Variants in GRK4 observed in about 807,000 individuals in gnomAD.
GRK4 encodes the protein G protein-coupled receptor kinase 2-like.
Under a neutral mutation model 77.9 loss-of-function variants are expected in GRK4, and 73 were observed. The observed-to-expected ratio is 0.94, with a 90% CI of 0.78 to 1.14. GRK4 has a LOEUF of 1.14. Among genes scored for constraint, GRK4 ranks in the 50% most tolerant of loss-of-function variants. GRK4 has a pLI of 0.00. For synonymous variants in GRK4, 257 were observed against 254.4 expected (o/e 1.01, Z -0.10); for missense variants, 729 against 700.2 (o/e 1.04, Z -0.46).
intron 3 of GRK4, among the ~76,000 whole-genome samples, chr4:2,991,552 C>A (rs1726180871): frequency 6.6e-6 from 1 of 152,148 alleles, no homozygotes; most frequent in African/African-American, 2.4e-5. Context: ...GCTCTGTTGC[C>A]CAGGCTGGAG....
At chr4:3,033,753 ATT>A (rs960055630) in intron 12 of GRK4, among the ~76,000 whole-genome samples, 6 of 151,986 alleles carry the variant, frequency 3.9e-5, no homozygotes, top group Admixed American at 3.9e-4. Context: ...CGTCCGGCTA[ATT>A]TTTGTATTTT....
rs1726448746 is a variant in GRK4, at chr4:2,992,293, G to A, written c.339+1G>A. The A allele has an allele frequency of 2.5e-6, 4 of 1,582,832 alleles. No individual in the cohort carries two copies. The highest frequency in any genetic ancestry group is 1.7e-5 in the Admixed American group (1 of 59,836). ...CTTAGATAGATTCTTCAATGATAAG[G>A]TGTGTTTTCTTCTTTAGAATAAAAA... On this transcript the variant is annotated splice_donor_variant, in intron 4 of 15. Coordinates refer to ENST00000398052, the MANE Select transcript of GRK4 (RefSeq NM_182982.3). LOFTEE classifies it high-confidence loss of function.
chr4:2,975,271 C>A (rs577845838), intron 1 of GRK4, among the ~76,000 whole-genome samples: 1 of 152,294 alleles, frequency 6.6e-6, no homozygotes, highest in South Asian at 2.1e-4. Context: ...CCACTGCACT[C>A]CAGCCTGGCC....
intron 10 of GRK4, among the ~76,000 whole-genome samples, chr4:3,023,835 G>A (rs956119863): frequency 4.6e-5 from 7 of 152,188 alleles, no homozygotes; most frequent in Admixed American, 6.5e-5. Flanking sequence ...AACAGGGTAC[G>A]GTGCAGAGTG....
intron 10 of GRK4, 114 bp downstream of exon 10, chr4:3,022,565 C>A: frequency 8.7e-6 from 8 of 921,430 alleles, no homozygotes; most frequent in East Asian, 2.6e-5. Context: ...GAAACAATAA[C>A]AAAAAGAAAA....
Position 3,037,455 on chromosome 4 carries a change from G to A in GRK4, c.1489G>A (p.Glu497Lys). The A allele has an allele frequency of 6.2e-7, 1 of 1,612,448 alleles. No individual in the cohort carries two copies. The highest frequency in any genetic ancestry group is 2.2e-5 in the East Asian group (1 of 44,840). ...AGGGATCTACCTGGACACCGCAGAT[G>A]AAGACTTCTATGCTCGGTTTGCTAC... ...VKGIYLDTAD[E>K]DFYARFATGC... Residue 497 changes from glutamate (E) to lysine (K), a missense_variant, in exon 14 of 16, where the codon GAA (glutamate) becomes AAA (lysine). Transcript: ENST00000398052.
At chr4:2,971,640 G>T (rs1719573078) in intron 1 of GRK4, among the ~76,000 whole-genome samples, 1 of 152,208 alleles carries the variant, frequency 6.6e-6, no homozygotes, top group Non-Finnish European at 1.5e-5. Context: ...GTGTAACAAA[G>T]TGATACAAAC....
At chr4:3,005,231 G>A (rs536116638) in intron 5 of GRK4, among the ~76,000 whole-genome samples, 156 of 152,084 alleles carry the variant, frequency 1.0e-3, no homozygotes, top group African/African-American at 3.6e-3. Context: ...CATGCAGACA[G>A]TCACTCATGT....
At chr4:3,015,692 T>C (rs199843392) in intron 8 of GRK4, among the ~76,000 whole-genome samples, 1 of 145,824 alleles carries the variant, frequency 6.9e-6, no homozygotes, top group Non-Finnish European at 1.5e-5. Context: ...AAAAAAAAAA[T>C]AGCACAGTGT....
At chr4:2,976,388 T>G (rs914190794) in intron 1 of GRK4, among the ~76,000 whole-genome samples, 1 of 138,072 alleles carries the variant, frequency 7.2e-6, no homozygotes, top group South Asian at 2.1e-4. Flanking sequence ...CACACCACCA[T>G]GCCTGAGTAA....
intron 4 of GRK4, among the ~76,000 whole-genome samples, chr4:2,993,337 A>G (rs1170143588): frequency 6.6e-6 from 1 of 152,160 alleles, no homozygotes; most frequent in Non-Finnish European, 1.5e-5. Flanking sequence ...TATTGTAAGG[A>G]TGGAAGGAGA....
intron 9 of GRK4, among the ~76,000 whole-genome samples, chr4:3,020,467 A>G (rs1027606912): frequency 6.6e-6 from 1 of 152,258 alleles, no homozygotes; most frequent in Admixed American, 6.5e-5. Flanking sequence ...GTCCTGCCAT[A>G]TAACATAACA....
In GRK4 at chr4:2,963,708, G is replaced by A; in HGVS notation, c.-363G>A. ...CCTGTCCGAAGTGAGCCACGGCATT[G>A]ACTCGGGGCTGCCCGGGGGCAGGGC... is the stretch of plus-strand genomic sequence containing the variant. On this transcript the variant is annotated 5_prime_UTR_variant, in exon 1 of 16. Coordinates refer to ENST00000398052, the MANE Select transcript of GRK4 (RefSeq NM_182982.3). 2 of 393,968 alleles carry A rather than the reference G, an allele frequency of 5.1e-6. No homozygotes were observed. Among genetic ancestry groups the A allele is most frequent in the Non-Finnish European group, 9.0e-6 (2 of 221,106 alleles). The allele number at this position is 393,968 out of a possible 1,614,324, so 24.4% of individuals were successfully genotyped here.
At chr4:3,009,959 T>A (rs1732413108) in intron 7 of GRK4, among the ~76,000 whole-genome samples, 1 of 152,236 alleles carries the variant, frequency 6.6e-6, no homozygotes, top group African/African-American at 2.4e-5. Context: ...CCATGCTTGA[T>A]GCCCCAGCTC....
chr4:2,992,264 C>T lies in GRK4; in HGVS notation c.311C>T (p.Ser104Leu), dbSNP rs199564470. 18 of 1,607,536 alleles carry T rather than the reference C, an allele frequency of 1.1e-5. No individual in the cohort carries two copies. Among genetic ancestry groups the T allele is most frequent in the African/African-American group, 1.3e-5 (1 of 74,710 alleles). Reference protein sequence around the residue: ...DDEDRSDCGLSILDRFFNDKL... With the variant: ...DDEDRSDCGLLILDRFFNDKL... Reference sequence around the variant, plus strand: ...GAGGACCGAAGTGATTGTGGACTGTCAATCTTAGATAGATTCTTCAATGAT... The same window carrying T: ...GAGGACCGAAGTGATTGTGGACTGTTAATCTTAGATAGATTCTTCAATGAT... The change falls in exon 4 of 16, where the codon TCA becomes TTA. Residue 104 changes from serine to leucine, a missense_variant. Coordinates refer to ENST00000398052, the MANE Select transcript of GRK4 (RefSeq NM_182982.3).
intron 1 of GRK4, among the ~76,000 whole-genome samples, chr4:2,977,800 C>T (rs893577231): frequency 4.6e-5 from 7 of 152,160 alleles, no homozygotes; most frequent in African/African-American, 1.7e-4. Context: ...CACTTCTGTC[C>T]ACATTCTGTT....
intron 1 of GRK4, among the ~76,000 whole-genome samples, chr4:2,976,787 A>G (rs1006144448): frequency 6.6e-6 from 1 of 152,038 alleles, no homozygotes; most frequent in Non-Finnish European, 1.5e-5. Context: ...TTGCAGGCAC[A>G]TGCCACCACG....
rs949078612 is a variant in GRK4 at position 3,031,545 on chromosome 4, G to C, written c.1269+2136G>C. Among the ~76,000 whole-genome samples the C allele has an allele frequency of 2.0e-5, 3 of 152,218 alleles. No individual in the cohort carries two copies. The East Asian group carries it at 5.8e-4, about 29-fold the overall frequency. ...GGCCGGGGAGCTGGGCTGCATGCCA[G>C]GGAGTGACTAGAGGACAGACCATGG... On this transcript the variant is annotated intron_variant, in intron 12 of 15. Coordinates refer to ENST00000398052, the MANE Select transcript of GRK4 (RefSeq NM_182982.3).
chr4:2,987,038 A>G (rs368410795), intron 2 of GRK4: 1 of 465,032 alleles, frequency 2.2e-6, no homozygotes, highest in South Asian at 1.6e-5. Flanking sequence ...TTGTGAAACC[A>G]TCACCACAGT....
Sources: gnomAD v4.1 joint callset for allele counts (sites outside exome capture counted in the v4.1 genomes callset) on GRCh38, gnomAD v4.1.1 for gene constraint, MANE v1.5 for transcripts, NCBI Gene and HGNC (gene_info 2026-07-23, HGNC 2026-07-21) for gene names.